RP1: variants seen among roughly 807,000 people sequenced by gnomAD.
The protein encoded by RP1 is RP1 axonemal microtubule associated.
Under a neutral mutation model 14.8 loss-of-function variants are expected in RP1, and 16 were observed. The ratio of observed to expected loss-of-function variants is 1.08; its 90% confidence interval spans 0.73 to 1.65. The LOEUF (loss-of-function observed/expected upper bound fraction) is 1.65, where lower values mean the gene tolerates loss of function less well. RP1 is among the 40% of genes most tolerant of loss of function. The pLI is 0.00. For missense variants in RP1, 2,631 were observed against 2,535.0 expected (o/e 1.04, Z -0.81); for synonymous variants, 876 against 883.6 (o/e 0.99, Z 0.15).
intron 1 of RP1, among the ~76,000 whole-genome samples, chr8:54,565,337 G>C (rs1163487270): frequency 6.6e-6 from 1 of 152,188 alleles, no homozygotes; most frequent in Non-Finnish European, 1.5e-5. Flanking sequence ...GGCCAAGGTG[G>C]GCAGATCAAC....
chr8:54,681,457 A>C (rs937756211), intron 12 of RP1, among the ~76,000 whole-genome samples: 2 of 146,402 alleles, frequency 1.4e-5, no homozygotes, highest in South Asian at 4.4e-4. Flanking sequence ...CTATGATCTT[A>C]TATTTTCTAT....
At chr8:54,812,863 G>A (rs1811043871) in intron 24 of RP1, among the ~76,000 whole-genome samples, 1 of 152,132 alleles carries the variant, frequency 6.6e-6, no homozygotes, top group Non-Finnish European at 1.5e-5. Context: ...AAGCAGGAAT[G>A]ATATTCTTGA....
intron 24 of RP1, among the ~76,000 whole-genome samples, chr8:54,829,125 G>T (rs1281788862): frequency 1.3e-5 from 2 of 151,818 alleles, no homozygotes; most frequent in African/African-American, 4.8e-5. Flanking sequence ...ACTCCTGTCA[G>T]GTCCATTATA....
At position 54,628,975 on chromosome 8, in the gene RP1, A is replaced by C. The variant is rs1806166586; in HGVS notation, c.5093A>C (p.Glu1698Ala). 4 of 1,614,056 alleles carry C rather than the reference A, an allele frequency of 2.5e-6. No individual in the cohort carries two copies. The highest frequency in any genetic ancestry group is 3.4e-6 in the Non-Finnish European group (4 of 1,179,974). Residue 1698 changes from glutamate (E) to alanine (A), a missense_variant, in exon 4 of 4, where the codon GAG becomes GCG. Glu to Ala is a moderately radical substitution (Grantham distance 107). Coordinates refer to ENST00000220676, the MANE Select transcript of RP1 (RefSeq NM_006269.2). ...SSSSMLQEFQ[E>A]ERQDKCDVSA... The stretch of plus-strand genomic sequence containing the variant: ...TCATCTATGTTGCAGGAATTCCAGG[A>C]GGAAAGACAAGATAAGTGTGATGTT...
rs1442014451 is a variant in RP1, at chr8:54,624,863, A to G, written c.981A>G (p.Gln327=). 2.5e-6 allele frequency: 4 copies of G among 1,613,714 alleles called. No homozygotes were observed. The highest frequency in any genetic ancestry group is 1.7e-5 in the Admixed American group (1 of 59,966). The change falls in exon 4 of 4, where the codon CAA becomes CAG. Residue 327 remains glutamine (Q), a synonymous_variant. Coordinates refer to ENST00000220676, the MANE Select transcript of RP1 (RefSeq NM_006269.2). The part of the protein sequence containing the change: ...DDIEKSIIFN[Q]DGTMTVEMKV... ...TTGAGAAATCAATTATTTTTAATCA[A>G]GACGGCACTATGACAGTTGAGATGA...
intron 19 of RP1, among the ~76,000 whole-genome samples, chr8:54,746,209 T>C (rs1177577168): frequency 1.3e-5 from 2 of 152,242 alleles, no homozygotes; most frequent in Non-Finnish European, 2.9e-5. Flanking sequence ...CAAGTGTTTG[T>C]TGAAATCATT....
At position 54,692,151 on chromosome 8, in the gene RP1, G is replaced by A. The variant is rs567872188; in HGVS notation, c.1718-7316G>A. 4.6e-5 allele frequency among the ~76,000 whole-genome samples: 7 copies of A among 151,306 alleles called. No individual in the cohort carries two copies. In the South Asian group the frequency reaches 6.3e-4, roughly 14 times the overall value. On this transcript the variant is annotated intron_variant, in intron 12 of 22. Transcript: ENST00000636932. Reference sequence around the variant, plus strand: ...TCCCTACAAAGGACATGAACTCATCGTTTTTTATGGCTGCATAGTATTCCA... The same window carrying A: ...TCCCTACAAAGGACATGAACTCATCATTTTTTATGGCTGCATAGTATTCCA...
At chr8:54,727,705 G>A (rs1808691382) in intron 17 of RP1, among the ~76,000 whole-genome samples, 1 of 151,720 alleles carries the variant, frequency 6.6e-6, no homozygotes, top group Non-Finnish European at 1.5e-5. Flanking sequence ...TGAATTGTGT[G>A]CCCATTAAAT....
intron 17 of RP1, among the ~76,000 whole-genome samples, chr8:54,733,033 A>T (rs1808829658): frequency 6.6e-6 from 1 of 152,144 alleles, no homozygotes; most frequent in South Asian, 2.1e-4. Flanking sequence ...ATGATGATGA[A>T]TGTTAAGTGC....
rs150838749 is a variant in RP1, at chr8:54,829,347, A to C, written c.3616-8103A>C. ...AAAAGTTTTCCAAAACATCATGGGA[A>C]CTTTGGGAAATAGAGCATATATTTT... On this transcript the variant is annotated intron_variant, in intron 24 of 28. Transcript: ENST00000637698. Among the ~76,000 whole-genome samples the C allele has an allele frequency of 6.2e-4, 95 of 152,354 alleles. 1 individual carries two copies. Among genetic ancestry groups the C allele is most frequent in the Non-Finnish European group, 1.1e-3 (75 of 68,030 alleles).
intron 11 of RP1, chr8:54,679,637 T>C (rs1165631927): frequency 6.5e-7 from 1 of 1,535,748 alleles, no homozygotes; most frequent in Non-Finnish European, 8.7e-7. Flanking sequence ...AGTAAGATTT[T>C]GTTTGGGCTT....
At chr8:54,864,923 G>GT (rs992195220) in intron 27 of RP1, among the ~76,000 whole-genome samples, 3 of 152,070 alleles carry the variant, frequency 2.0e-5, no homozygotes, top group African/African-American at 7.2e-5. Flanking sequence ...TTACATTGAG[G>GT]TTTTGAATTA....
intron 1 of RP1, among the ~76,000 whole-genome samples, chr8:54,584,178 C>T (rs1473018911): frequency 1.3e-5 from 2 of 152,178 alleles, no homozygotes; most frequent in African/African-American, 4.8e-5. Context: ...TTGAATGTGT[C>T]CCAGAGATTC....
At chr8:54,735,183 A>T (rs1808888930) in intron 18 of RP1, among the ~76,000 whole-genome samples, 1 of 152,166 alleles carries the variant, frequency 6.6e-6, no homozygotes, top group Non-Finnish European at 1.5e-5. Context: ...CTTTTTAATT[A>T]AAAAAGTCTT....
intron 1 of RP1, among the ~76,000 whole-genome samples, chr8:54,606,098 G>T (rs1247232446): frequency 6.6e-6 from 1 of 152,054 alleles, no homozygotes; most frequent in African/African-American, 2.4e-5. Context: ...ATGTTAGCTG[G>T]TTATTTTGCT....
chr8:54,577,185 T>C (rs1804681151), intron 1 of RP1, among the ~76,000 whole-genome samples: 2 of 151,964 alleles, frequency 1.3e-5, no homozygotes, highest in Non-Finnish European at 2.9e-5. Flanking sequence ...CCAGCTAATT[T>C]TTGTATTTTT....
chr8:54,751,455 C>T lies in RP1; in HGVS notation c.2809-3348C>T, dbSNP rs62514652. ...TGCAAACATTTAATCTTTGATTTAA[C>T]TCACCATTACAAGACTGCTGTTGCT... On this transcript the variant is annotated intron_variant, in intron 19 of 22. Coordinates refer to the RP1 transcript ENST00000636932. Among the ~76,000 whole-genome samples the T allele has an allele frequency of 5.3e-3, 808 of 152,280 alleles. 8 individuals carry two copies. Among genetic ancestry groups the T allele is most frequent in the Non-Finnish European group, 7.0e-3 (476 of 68,020 alleles).
intron 12 of RP1, among the ~76,000 whole-genome samples, chr8:54,684,044 G>T (rs1484129951): frequency 1.3e-5 from 2 of 149,260 alleles, no homozygotes; most frequent in Non-Finnish European, 3.0e-5. Flanking sequence ...TTTACCAAAG[G>T]TCTTTTCTGT....
intron 3 of RP1, among the ~76,000 whole-genome samples, chr8:54,640,073 T>C (rs1348065682): frequency 6.6e-6 from 1 of 152,042 alleles, no homozygotes; most frequent in Non-Finnish European, 1.5e-5. Flanking sequence ...AGTTTCATCA[T>C]TTTAATTCTT....
Sources: gnomAD v4.1 joint callset for allele counts (sites outside exome capture counted in the v4.1 genomes callset) on GRCh38, gnomAD v4.1.1 for gene constraint, MANE v1.5 for transcripts, NCBI Gene and HGNC (gene_info 2026-07-23, HGNC 2026-07-21) for gene names.